Variants in CTNND2 observed in about 807,000 individuals in gnomAD.
The protein encoded by CTNND2 is catenin delta 2.
In CTNND2, 22 loss-of-function variants were observed where a neutral mutation model predicts 144.4. The ratio of observed to expected loss-of-function variants is 0.15; its 90% confidence interval spans 0.11 to 0.22. The LOEUF is 0.22. CTNND2 is among the 10% of genes least tolerant of loss of function. CTNND2 has a pLI of 1.00. For synonymous variants in CTNND2, 751 were observed against 695.6 expected (o/e 1.08, Z -1.25); for missense variants, 1,353 against 1,618.8 (o/e 0.84, Z 2.82).
intron 1 of CTNND2, among the ~76,000 whole-genome samples, chr5:11,857,169 C>A (rs1056687375): frequency 6.6e-6 from 1 of 152,118 alleles, no homozygotes; most frequent in African/African-American, 2.4e-5. Context: ...TCAATTTCCC[C>A]TACTCTTACA....
intron 7 of CTNND2, among the ~76,000 whole-genome samples, chr5:11,382,119 C>G (rs2149795046): frequency 6.6e-6 from 1 of 152,292 alleles, no homozygotes; most frequent in Middle Eastern, 3.4e-3. Flanking sequence ...CCCCCTGAAT[C>G]TAAAATAAAA....
intron 2 of CTNND2, among the ~76,000 whole-genome samples, chr5:11,662,207 A>ATATGTGTATATATGTG (rs1561669224): frequency 9.6e-4 from 126 of 131,712 alleles, no homozygotes; most frequent in African/African-American, 3.5e-3. Context: ...GTATATATGT[A>ATATGTGTATATATGTG]TATATATACA....
intron 1 of CTNND2, among the ~76,000 whole-genome samples, chr5:11,842,722 A>AAAAG (rs1554130030): frequency 2.7e-5 from 4 of 149,458 alleles, no homozygotes; most frequent in African/African-American, 9.8e-5. Flanking sequence ...CGGTCTCAGA[A>AAAAG]CAAAAAAAAA....
At chr5:11,336,078 G>A (rs1753695422) in intron 9 of CTNND2, among the ~76,000 whole-genome samples, 1 of 152,132 alleles carries the variant, frequency 6.6e-6, no homozygotes, top group African/African-American at 2.4e-5. Context: ...TGGCTGATGG[G>A]AAACCTCTAG....
chr5:11,573,570 G>A (rs1370519656), intron 2 of CTNND2, among the ~76,000 whole-genome samples: 2 of 152,162 alleles, frequency 1.3e-5, no homozygotes, highest in Non-Finnish European at 2.9e-5. Flanking sequence ...TGTCAAGATG[G>A]AATGGAACAA....
intron 2 of CTNND2, among the ~76,000 whole-genome samples, chr5:11,590,628 C>G (rs889370453): frequency 6.6e-6 from 1 of 152,046 alleles, no homozygotes; most frequent in African/African-American, 2.4e-5. Context: ...AATACACCCT[C>G]CCTGCCCTTG....
intron 9 of CTNND2, among the ~76,000 whole-genome samples, chr5:11,306,375 C>T (rs1750205332): frequency 6.6e-6 from 1 of 152,154 alleles, no homozygotes; most frequent in Non-Finnish European, 1.5e-5. Context: ...TCTTTCTTTG[C>T]AACAAATTAA....
intron 3 of CTNND2, among the ~76,000 whole-genome samples, chr5:11,531,036 T>C (rs1773704465): frequency 6.6e-6 from 1 of 152,198 alleles, no homozygotes; most frequent in African/African-American, 2.4e-5. Context: ...CCTGCAGACA[T>C]AACTGTCATT....
intron 9 of CTNND2, among the ~76,000 whole-genome samples, chr5:11,241,880 A>T (rs1008382286): frequency 6.6e-6 from 1 of 152,176 alleles, no homozygotes; most frequent in Admixed American, 6.5e-5. Flanking sequence ...TGGAAAGAAC[A>T]AATACCAGAG....
chr5:11,746,048 G>A, intron 1 of CTNND2, among the ~76,000 whole-genome samples: 1 of 152,170 alleles, frequency 6.6e-6, no homozygotes, highest in Non-Finnish European at 1.5e-5. Context: ...ACAGAGGATA[G>A]AGTTCGATCT....
chr5:11,742,267 C>G (rs966674950), intron 1 of CTNND2, among the ~76,000 whole-genome samples: 12 of 152,160 alleles, frequency 7.9e-5, no homozygotes, highest in Non-Finnish European at 1.2e-4. Context: ...TGTTCCTTCT[C>G]TTCAGGAAGG....
intron 2 of CTNND2, among the ~76,000 whole-genome samples, chr5:11,622,735 T>C (rs1221709925): frequency 6.6e-6 from 1 of 152,118 alleles, no homozygotes. Flanking sequence ...CTCAAAAATA[T>C]ATTCTGAAGT....
chr5:11,011,075 A>G (rs1741026634), intron 18 of CTNND2, among the ~76,000 whole-genome samples: 1 of 152,196 alleles, frequency 6.6e-6, no homozygotes, highest in South Asian at 2.1e-4. Context: ...GCACAACCAT[A>G]AAAACACCAG....
chr5:11,290,485 C>A (rs1748217284), intron 9 of CTNND2, among the ~76,000 whole-genome samples: 1 of 152,176 alleles, frequency 6.6e-6, no homozygotes, highest in African/African-American at 2.4e-5. Context: ...GACTTTTCCT[C>A]CCTTAAATAC....
intron 6 of CTNND2, among the ~76,000 whole-genome samples, chr5:11,391,584 CG>C (rs1759633389): frequency 1.3e-5 from 2 of 152,186 alleles, no homozygotes; most frequent in South Asian, 4.1e-4. Context: ...CTTTTCAAAT[CG>C]TCTTCCAAAG....
chr5:11,505,041 A>T (rs1770887350), intron 3 of CTNND2, among the ~76,000 whole-genome samples: 1 of 152,082 alleles, frequency 6.6e-6, no homozygotes, highest in African/African-American at 2.4e-5. Context: ...TCCTGCCTGG[A>T]GGCTGCTGCG....
intron 9 of CTNND2, among the ~76,000 whole-genome samples, chr5:11,240,312 A>G (rs573236876): frequency 1.8e-4 from 20 of 108,340 alleles, no homozygotes; most frequent in African/African-American, 7.4e-4. Context: ...ACACACATAC[A>G]CCCAACACAC....
chr5:11,052,923 C>CT lies in CTNND2; in HGVS notation c.2788+29772dup, dbSNP rs537913783. Among the ~76,000 whole-genome samples, 8 of 152,018 alleles carry CT rather than the reference C, an allele frequency of 5.3e-5. No homozygotes were observed. The South Asian group carries it at 6.2e-4, about 12-fold the overall frequency. ...TTATTTTTGGTCTGTGTTCATAATG[C>CT]TTTTTTTTCCCCATGAGTCAATTTA... is the stretch of plus-strand genomic sequence containing the variant. On this transcript the variant is annotated intron_variant, in intron 16 of 21. Transcript: ENST00000304623.
intron 1 of CTNND2, among the ~76,000 whole-genome samples, chr5:11,740,642 T>C (rs2126762856): frequency 6.6e-6 from 1 of 152,274 alleles, no homozygotes; most frequent in Non-Finnish European, 1.5e-5. Flanking sequence ...AAAGACTTCA[T>C]GACTAAAACA....
Sources: allele counts gnomAD v4.1 joint callset (sites outside exome capture counted in the v4.1 genomes callset), GRCh38; gene constraint gnomAD v4.1.1; transcripts MANE v1.5; gene names NCBI Gene and HGNC (gene_info 2026-07-23, HGNC 2026-07-21).